ZZEF1: variants seen among roughly 807,000 people sequenced by gnomAD.
ZZEF1 encodes zinc finger ZZ-type and EF-hand domain-containing protein 1.
A neutral mutation model predicts 342.8 loss-of-function variants in ZZEF1; 157 were observed. That is an observed-to-expected ratio of 0.46 (90% CI 0.40 to 0.52). The LOEUF (loss-of-function observed/expected upper bound fraction) is 0.52. ZZEF1 is among the 20% of genes least tolerant of loss of function. The probability of loss-of-function intolerance (pLI) is 0.00; values close to 1 mark genes in which losing one functional copy is unlikely to be tolerated. For synonymous variants in ZZEF1, 1,505 were observed against 1,429.1 expected (o/e 1.05, Z -1.20); for missense variants, 3,480 against 3,725.6 (o/e 0.93, Z 1.72).
chr17:4,095,063 C>A (rs1480235584), intron 11 of ZZEF1, among the ~76,000 whole-genome samples: 1 of 152,196 alleles, frequency 6.6e-6, no homozygotes, highest in African/African-American at 2.4e-5. Context: ...GAATGCCCTG[C>A]CCTTTCCCAG....
Position 4,044,315 on chromosome 17 carries a change from T to C in ZZEF1, c.6075A>G (p.Ala2025=). Residue 2025 remains alanine, a synonymous_variant, in exon 38 of 55, where the codon GCA becomes GCG. Coordinates refer to ENST00000381638, the MANE Select transcript of ZZEF1 (RefSeq NM_015113.4). Reference sequence around the variant, plus strand: ...CCTTCGATAATGATACACCTTTATCTGCCTTATTTCTCTGCTTGAAATCTA... The same window carrying C: ...CCTTCGATAATGATACACCTTTATCCGCCTTATTTCTCTGCTTGAAATCTA... The part of the protein sequence containing the change: ...RPVDFKQRNK[A]DKGVSLSKDP... The C allele has an allele frequency of 1.2e-6, 2 of 1,614,148 alleles. No individual in the cohort carries two copies. The highest frequency in any genetic ancestry group is 1.7e-6 in the Non-Finnish European group (2 of 1,179,974).
chr17:4,111,760 T>TTA (rs3050967), intron 5 of ZZEF1, among the ~76,000 whole-genome samples: 16,542 of 142,566 alleles, frequency 0.12, 1,128 homozygotes, highest in African/African-American at 0.19. Flanking sequence ...ATATATATGT[T>TTA]TATATATATA....
chr17:4,085,756 G>T lies in ZZEF1; in HGVS notation c.2560C>A (p.Gln854Lys), dbSNP rs760493521. The T allele has an allele frequency of 1.2e-6, 2 of 1,614,126 alleles. No homozygotes were observed. The highest frequency in any genetic ancestry group is 1.7e-6 in the Non-Finnish European group (2 of 1,179,992). Residue 854 changes from glutamine (Q) to lysine (K), a missense_variant, in exon 16 of 55, where the codon CAA becomes AAA. By Grantham distance (53) the Gln-to-Lys change is moderately conservative. This residue lies in a region of ZZEF1 where 1,528 missense variants were observed against 1,624.1 expected (regional missense o/e 0.94). Transcript: ENST00000381638. ...GDSVPMEILK[Q>K]EVRNTLLNGA... The stretch of plus-strand genomic sequence containing the variant: ...TTGAGAAGGGTATTCCTGACTTCTT[G>T]TTTTAGTATCTCCATGGGCACAGAG...
At chr17:4,114,148 GA>G in intron 4 of ZZEF1, 150 bp downstream of exon 4, 1 of 502,390 alleles carries the variant, frequency 2.0e-6, no homozygotes, top group Non-Finnish European at 3.3e-6. Flanking sequence ...TATCTGTTAG[GA>G]ATATATAAGC....
intron 29 of ZZEF1, among the ~76,000 whole-genome samples, chr17:4,063,652 A>G (rs189513924): frequency 1.2e-3 from 179 of 151,706 alleles, no homozygotes; most frequent in Admixed American, 3.5e-3. Context: ...GCCTCAACCT[A>G]CCTGGCTCAA....
At chr17:4,114,248 A>C in intron 4 of ZZEF1, 51 bp downstream of exon 4, 1 of 1,391,580 alleles carries the variant, frequency 7.2e-7, no homozygotes, top group Non-Finnish European at 9.5e-7. Flanking sequence ...GCAGTTAAGA[A>C]GAAAACAATC....
chr17:4,116,517 T>G (rs1204687027), intron 3 of ZZEF1, among the ~76,000 whole-genome samples: 3 of 152,222 alleles, frequency 2.0e-5, no homozygotes, highest in Non-Finnish European at 2.9e-5. Context: ...TGTTGCCATC[T>G]CCAAGTGAGT....
At chr17:4,041,112 C>G (rs758614778) in intron 39 of ZZEF1, among the ~76,000 whole-genome samples, 1 of 152,150 alleles carries the variant, frequency 6.6e-6, no homozygotes, top group Non-Finnish European at 1.5e-5. Context: ...CTGTCCAAGC[C>G]TGAGGGTACT....
At chr17:4,022,684 A>T in intron 44 of ZZEF1, 25 bp downstream of exon 44, 1 of 1,613,314 alleles carries the variant, frequency 6.2e-7, no homozygotes, top group South Asian at 1.1e-5. Context: ...AGGAAAGAGG[A>T]GCAGGAGTCC....
intron 53 of ZZEF1, 177 bp from the exon 54 acceptor site, chr17:4,009,131 C>T (rs922861091): frequency 2.4e-5 from 18 of 765,814 alleles, no homozygotes; most frequent in South Asian, 2.2e-4. Context: ...GCCAGGTGCC[C>T]GGTGCCGGGG....
chr17:4,091,730 TC>T (rs988184687), intron 11 of ZZEF1, among the ~76,000 whole-genome samples: 24 of 150,880 alleles, frequency 1.6e-4, no homozygotes, highest in African/African-American at 5.9e-4. Flanking sequence ...TGAACTGAGA[TC>T]ACGCCATTGC....
At chr17:4,022,429 A>G in intron 44 of ZZEF1, 1 of 315,630 alleles carries the variant, frequency 3.2e-6, no homozygotes, top group South Asian at 5.8e-5. Context: ...ATTCAAGGGT[A>G]TACTTTATTA....
intron 5 of ZZEF1, among the ~76,000 whole-genome samples, chr17:4,111,781 T>A (rs2058306722): frequency 6.8e-6 from 1 of 146,876 alleles, no homozygotes; most frequent in Non-Finnish European, 1.5e-5. Flanking sequence ...TATATATTTA[T>A]AATCCCAACG....
chr17:4,104,715 A>G lies in ZZEF1; in HGVS notation c.1491T>C (p.Thr497=). 6.2e-7 allele frequency: 1 copy of G among 1,614,206 alleles called. No individual in the cohort carries two copies. The highest frequency in any genetic ancestry group is 8.5e-7 in the Non-Finnish European group (1 of 1,180,020). The change falls in exon 8 of 55, where the codon ACT becomes ACC. Residue 497 remains threonine, a synonymous_variant. Transcript: ENST00000381638. ...CATCATACTGCGTGTCCAGATGGTCAGTGATGGTGCATAGAGAGCTCATGA... is the reference window on the plus strand; with the variant it reads ...CATCATACTGCGTGTCCAGATGGTCGGTGATGGTGCATAGAGAGCTCATGA... The part of the protein sequence containing the change: ...AKVMSSLCTI[T]DHLDTQYDAS...
intron 2 of ZZEF1, among the ~76,000 whole-genome samples, chr17:4,119,600 T>C (rs139721568): frequency 3.3e-5 from 5 of 152,318 alleles, no homozygotes; most frequent in South Asian, 2.1e-4. Flanking sequence ...AGCATGCACC[T>C]TTCATTGGAG....
chr17:4,141,348 C>G (rs926475948), intron 1 of ZZEF1, among the ~76,000 whole-genome samples: 4 of 152,196 alleles, frequency 2.6e-5, no homozygotes, highest in Admixed American at 2.6e-4. Flanking sequence ...TTAAGGTGAA[C>G]AGAACCTTTT....
chr17:4,072,833 G>C (rs2145282814), intron 24 of ZZEF1, 77 bp from the exon 25 acceptor site: 1 of 1,418,716 alleles, frequency 7.0e-7, no homozygotes. Flanking sequence ...AGAAAGAAAA[G>C]GTTAAAAAAA....
At chr17:4,036,100 C>T (rs901960658) in intron 39 of ZZEF1, among the ~76,000 whole-genome samples, 2 of 144,382 alleles carry the variant, frequency 1.4e-5, no homozygotes, top group African/African-American at 5.3e-5. Flanking sequence ...AAAAAAGAGT[C>T]GAAACAAGGA....
intron 32 of ZZEF1, among the ~76,000 whole-genome samples, chr17:4,057,304 G>A (rs567049090): frequency 7.2e-5 from 11 of 152,344 alleles, no homozygotes; most frequent in Admixed American, 6.5e-4. Flanking sequence ...GAACTAAAGA[G>A]ACGGCTCTAA....
Sources: gnomAD v4.1 joint callset for allele counts (sites outside exome capture counted in the v4.1 genomes callset) on GRCh38, gnomAD v4.1.1 for gene constraint, gnomAD v4.1.1 regional missense constraint, MANE v1.5 for transcripts, NCBI Gene and HGNC (gene_info 2026-07-23, HGNC 2026-07-21) for gene names.